The following PPP2R2C variants were observed in gnomAD, a reference collection of about 807,000 sequenced individuals.
The protein encoded by PPP2R2C is protein phosphatase 2 regulatory subunit Bgamma.
A neutral mutation model predicts 45.3 loss-of-function variants in PPP2R2C; 10 were observed. The ratio of observed to expected loss-of-function variants is 0.22; its 90% CI spans 0.14 to 0.37. The LOEUF is 0.37. PPP2R2C is among the 10% of genes least tolerant of loss of function. PPP2R2C has a pLI of 1.00. For synonymous variants in PPP2R2C, 257 were observed against 245.4 expected (o/e 1.05, Z -0.44); for missense variants, 308 against 619.7 (o/e 0.50, Z 5.34).
chr4:6,506,851 C>T (rs1026867528), intron 2 of PPP2R2C, among the ~76,000 whole-genome samples: 10 of 152,306 alleles, frequency 6.6e-5, no homozygotes, highest in African/African-American at 2.4e-4. Flanking sequence ...TGGCCATCAG[C>T]TGGGAGTTCA....
At chr4:6,552,897 C>G (rs1489460922) in intron 1 of PPP2R2C, among the ~76,000 whole-genome samples, 1 of 152,166 alleles carries the variant, frequency 6.6e-6, no homozygotes, top group Non-Finnish European at 1.5e-5. Context: ...GAGCCAGTTT[C>G]AGGATGAATG....
intron 5 of PPP2R2C, among the ~76,000 whole-genome samples, chr4:6,362,310 A>C (rs1252745510): frequency 1.3e-5 from 2 of 152,140 alleles, no homozygotes; most frequent in Non-Finnish European, 2.9e-5. Context: ...AGAGGGAAGC[A>C]GGCCAAAGGT....
intron 1 of PPP2R2C, among the ~76,000 whole-genome samples, chr4:6,414,608 G>C (rs1004141785): frequency 6.6e-6 from 1 of 151,940 alleles, no homozygotes; most frequent in African/African-American, 2.4e-5. Context: ...AGCCCTACGA[G>C]ATGGGCAGGG....
intron 1 of PPP2R2C, among the ~76,000 whole-genome samples, chr4:6,466,094 T>C (rs34618602): frequency 6.6e-6 from 1 of 151,910 alleles, no homozygotes; most frequent in African/African-American, 2.4e-5. Context: ...TGGAGCATTA[T>C]TTGAAAGCAT....
intron 1 of PPP2R2C, among the ~76,000 whole-genome samples, chr4:6,388,298 C>A (rs981160986): frequency 6.6e-6 from 1 of 152,206 alleles, no homozygotes; most frequent in Non-Finnish European, 1.5e-5. Context: ...GAGGTGGTAT[C>A]CCTAGTGACC....
At chr4:6,516,439 A>G (rs904410389) in intron 2 of PPP2R2C, among the ~76,000 whole-genome samples, 6 of 151,890 alleles carry the variant, frequency 4.0e-5, no homozygotes, top group African/African-American at 1.4e-4. Context: ...AGCAAGCTGC[A>G]CCTCAGAGAG....
At chr4:6,361,197 C>A (rs1312796257) in intron 5 of PPP2R2C, among the ~76,000 whole-genome samples, 1 of 152,194 alleles carries the variant, frequency 6.6e-6, no homozygotes, top group African/African-American at 2.4e-5. Flanking sequence ...GGGAGCAGAA[C>A]CCAGCTTGCT....
rs993259253 is a variant in PPP2R2C, at chr4:6,328,843, T to C, written c.1052+419A>G. 2.6e-5 allele frequency among the ~76,000 whole-genome samples: 4 copies of C among 151,328 alleles called. No individual in the cohort carries two copies. The highest frequency in any genetic ancestry group is 5.9e-5 in the Non-Finnish European group (4 of 67,864). ...ACAGTAGTGGTGATGGGAGGAGGGG[T>C]GAGTAGACCGATGGTCAAAGCCACA... is the stretch of plus-strand genomic sequence containing the variant. On this transcript the variant is annotated intron_variant, in intron 8 of 8. Coordinates refer to ENST00000382599, the MANE Select transcript of PPP2R2C (RefSeq NM_020416.4). This position sits in a 1 kb window ranked among gnomAD's most constrained non-coding sequence, Gnocchi z 4.4.
chr4:6,490,350 C>T (rs1339778953), intron 2 of PPP2R2C, among the ~76,000 whole-genome samples: 1 of 152,250 alleles, frequency 6.6e-6, no homozygotes. Flanking sequence ...CCAAGCCATC[C>T]TCTCATGACA....
chr4:6,547,849 T>G (rs1020144159), intron 1 of PPP2R2C, among the ~76,000 whole-genome samples: 2 of 152,180 alleles, frequency 1.3e-5, no homozygotes, highest in Non-Finnish European at 2.9e-5. Context: ...CCTAAAACCA[T>G]GAGACTTTTA....
At chr4:6,386,271 G>A (rs563160799) in intron 1 of PPP2R2C, among the ~76,000 whole-genome samples, 23 of 152,298 alleles carry the variant, frequency 1.5e-4, no homozygotes, top group Non-Finnish European at 2.6e-4. Flanking sequence ...CTGTGTCATA[G>A]GGCTGCCAGA....
At position 6,419,287 on chromosome 4, in the gene PPP2R2C, G is replaced by A. The variant is rs533457724; in HGVS notation, c.71-38193C>T. On this transcript the variant is annotated intron_variant, in intron 1 of 8. Transcript: ENST00000382599. ...ACACACACACAAAAATTAGGCAAGC[G>A]TGGTGGCATGTGCCTGTAATCCCAG... is the stretch of plus-strand genomic sequence containing the variant. Among the ~76,000 whole-genome samples, 23 of 152,148 alleles carry A rather than the reference G, an allele frequency of 1.5e-4. No individual in the cohort carries two copies. The East Asian group carries it at 3.5e-3, about 23-fold the overall frequency.
chr4:6,545,304 G>A (rs1313831300), intron 1 of PPP2R2C, among the ~76,000 whole-genome samples: 1 of 152,184 alleles, frequency 6.6e-6, no homozygotes, highest in Non-Finnish European at 1.5e-5. Flanking sequence ...TATCATAGTA[G>A]CAGTGGAGCT....
chr4:6,415,838 G>A (rs1345988401), intron 1 of PPP2R2C, among the ~76,000 whole-genome samples: 1 of 152,134 alleles, frequency 6.6e-6, no homozygotes, highest in African/African-American at 2.4e-5. Flanking sequence ...CTCCTACGAT[G>A]GGGAGCTCAC....
intron 2 of PPP2R2C, among the ~76,000 whole-genome samples, chr4:6,502,654 TAGTC>T (rs1407758866): frequency 6.6e-6 from 1 of 152,028 alleles, no homozygotes; most frequent in Non-Finnish European, 1.5e-5. Flanking sequence ...GAAAGACAAT[TAGTC>T]AATCAATCAA....
In PPP2R2C at chr4:6,554,206, C is replaced by T. The variant is rs76561680; in HGVS notation, c.-59+9354G>A. On this transcript the variant is annotated intron_variant, in intron 1 of 9. Transcript: ENST00000506140. Reference sequence around the variant, plus strand: ...TGAGGCCATGCTGGAGTAGGGTTTACCCCCAATCCAAAATGACGGGTGCCC... The same window carrying T: ...TGAGGCCATGCTGGAGTAGGGTTTATCCCCAATCCAAAATGACGGGTGCCC... Among the ~76,000 whole-genome samples the T allele has an allele frequency of 3.2e-3, 490 of 152,238 alleles. 3 individuals carry two copies. Among genetic ancestry groups the T allele is most frequent in the African/African-American group, 0.011 (462 of 41,532 alleles).
intron 1 of PPP2R2C, among the ~76,000 whole-genome samples, chr4:6,451,669 G>A (rs1389648070): frequency 6.6e-6 from 1 of 152,120 alleles, no homozygotes; most frequent in African/African-American, 2.4e-5. Context: ...GCCACCCCAG[G>A]TTTGTGTGGA....
chr4:6,537,579 C>G (rs1287621288), intron 1 of PPP2R2C, among the ~76,000 whole-genome samples: 1 of 136,084 alleles, frequency 7.3e-6, no homozygotes, highest in Non-Finnish European at 1.5e-5. Context: ...GAGATGGAGT[C>G]TTGCTCTTTC....
rs1412961288 is a variant in PPP2R2C, at chr4:6,322,779, G to A, written c.*523C>T. On this transcript the variant is annotated 3_prime_UTR_variant, in exon 9 of 9. Coordinates refer to ENST00000382599, the MANE Select transcript of PPP2R2C (RefSeq NM_020416.4). This position sits in a 1 kb window ranked among gnomAD's most constrained non-coding sequence, Gnocchi z 7.8. Reference sequence around the variant, plus strand: ...GGTGAGGTCATCAGCTCTGAGACAGGGCGAATTGCCCCATTTATAACCAAA... The same window carrying A: ...GGTGAGGTCATCAGCTCTGAGACAGAGCGAATTGCCCCATTTATAACCAAA... 6.6e-6 allele frequency: 1 copy of A among 152,398 alleles called. No homozygotes were observed. The highest frequency in any genetic ancestry group is 1.5e-5 in the Non-Finnish European group (1 of 68,242). 9.4% of individuals were successfully genotyped at this position (152,398 alleles called of 1,614,324 possible). A position where few individuals can be genotyped will look rare whatever the true frequency, so the allele number is the denominator to read the frequency against.
Sources: gnomAD v4.1 joint callset for allele counts (sites outside exome capture counted in the v4.1 genomes callset) on GRCh38, gnomAD v4.1.1 for gene constraint, Gnocchi (gnomAD v3.1) non-coding constraint, MANE v1.5 for transcripts, NCBI Gene and HGNC (gene_info 2026-07-23, HGNC 2026-07-21) for gene names.